Variants in TMEM63C observed in about 807,000 individuals in gnomAD.
TMEM63C encodes transmembrane protein 63C, also known as osmosensitive cation channel TMEM63C.
A neutral mutation model predicts 99.2 loss-of-function variants in TMEM63C; 32 were observed. That is an observed-to-expected ratio of 0.32 (90% CI 0.24 to 0.43). TMEM63C has a LOEUF of 0.43. Among genes scored for constraint, TMEM63C ranks in the 20% least tolerant of loss-of-function variants. The pLI is 1.00. For missense variants in TMEM63C, 826 were observed against 1,053.0 expected, an observed-to-expected ratio of 0.78 and a Z score of 2.98; for synonymous variants, 376 against 397.9, an observed-to-expected ratio of 0.94 and a Z score of 0.66.
chr14:77,251,910 G>A lies in TMEM63C; in HGVS notation c.2148+12G>A. ...TTGCCGACTACGAGGTGAGTTGCCA[G>A]CCTGCCCCTCCTCCTGGTTCTCTTG... On this transcript the variant is annotated intron_variant, in intron 22 of 23. Transcript: ENST00000298351. The A allele has an allele frequency of 6.3e-7, 1 of 1,597,704 alleles. No individual in the cohort carries two copies. The highest frequency in any genetic ancestry group is 8.6e-7 in the Non-Finnish European group (1 of 1,165,068).
chr14:77,183,067 A>G (rs1887940828), intron 1 of TMEM63C, among the ~76,000 whole-genome samples: 1 of 152,142 alleles, frequency 6.6e-6, no homozygotes, highest in Admixed American at 6.5e-5. Context: ...TCCCCTTAGA[A>G]GTGAATTCAC....
intron 13 of TMEM63C, among the ~76,000 whole-genome samples, chr14:77,241,287 G>A (rs929955119): frequency 3.9e-5 from 6 of 152,096 alleles, no homozygotes; most frequent in Non-Finnish European, 5.9e-5. Flanking sequence ...ATAAGAGAGC[G>A]TCAGGATAGA....
chr14:77,255,866 G>C (rs182001091), intron 23 of TMEM63C, among the ~76,000 whole-genome samples: 48 of 152,290 alleles, frequency 3.2e-4, no homozygotes, highest in African/African-American at 1.0e-3. Flanking sequence ...CTTCAACCAG[G>C]GCTGTTTGGT....
chr14:77,233,551 G>T (rs1325625750), intron 8 of TMEM63C, 51 bp downstream of exon 8: 1 of 1,590,024 alleles, frequency 6.3e-7, no homozygotes, highest in Non-Finnish European at 8.6e-7. Context: ...GTGTTGGTGT[G>T]GAGAGGAGGT....
In TMEM63C at chr14:77,248,637, C is replaced by A. The variant is rs534855810; in HGVS notation, c.1764+128C>A. 155 of 1,491,270 alleles carry A rather than the reference C, an allele frequency of 1.0e-4. 2 individuals carry two copies. In the South Asian group the frequency reaches 1.6e-3, roughly 15 times the overall value. 92.4% of individuals were successfully genotyped at this position (1,491,270 alleles called of 1,614,324 possible). On this transcript the variant is annotated intron_variant, in intron 19 of 23. Coordinates refer to ENST00000298351, the MANE Select transcript of TMEM63C (RefSeq NM_020431.4). ...GGTGTGGATGGGTGTTGGTGGGGCA[C>A]CTTGGTCTACAGGGTTGGAAAGGAG... is the stretch of plus-strand genomic sequence containing the variant.
At chr14:77,199,179 T>G (rs1888256991) in intron 1 of TMEM63C, among the ~76,000 whole-genome samples, 1 of 152,166 alleles carries the variant, frequency 6.6e-6, no homozygotes, top group South Asian at 2.1e-4. Flanking sequence ...AGGCAACATT[T>G]GAGACACACA....
At chr14:77,240,156 A>G (rs945553122) in intron 12 of TMEM63C, among the ~76,000 whole-genome samples, 2 of 152,232 alleles carry the variant, frequency 1.3e-5, no homozygotes, top group African/African-American at 4.8e-5. Flanking sequence ...AACTTCTGCC[A>G]GCCCAGAGAT....
chr14:77,219,106 G>T (rs938615356), intron 3 of TMEM63C, 143 bp downstream of exon 3: 9 of 946,080 alleles, frequency 9.5e-6, no homozygotes, highest in Non-Finnish European at 1.2e-5. Context: ...TCCTGCCTAG[G>T]GTGGCCCCGG....
intron 18 of TMEM63C, 76 bp from the exon 19 acceptor site, chr14:77,248,269 CCT>C (rs1889297457): frequency 1.5e-6 from 2 of 1,318,714 alleles, no homozygotes; most frequent in Admixed American, 4.1e-5. Context: ...CTGCTGCTCT[CCT>C]CTCTCTCCTC....
rs769084272 is a variant in TMEM63C at position 77,249,409 on chromosome 14, G to T, written c.1989G>T (p.Ala663=). The change falls in exon 21 of 24, where the codon GCG becomes GCT. Residue 663 remains alanine (A), a synonymous_variant. Transcript: ENST00000298351. ...HMAAVSQAIF[A]PLLGLFWMLF... ...CTGCCGTCTCCCAGGCCATCTTTGC[G>T]CCACTCTTGGGTCTGTTCTGGATGC... The T allele has an allele frequency of 1.9e-6, 3 of 1,614,012 alleles. No homozygotes were observed. The highest frequency in any genetic ancestry group is 2.2e-5 in the East Asian group (1 of 44,888).
In TMEM63C at chr14:77,189,580, C is replaced by T. The variant is rs920727930; in HGVS notation, c.-77+7686C>T. On this transcript the variant is annotated intron_variant, in intron 1 of 23. Coordinates refer to ENST00000298351, the MANE Select transcript of TMEM63C (RefSeq NM_020431.4). ...GGAAGGACTTCTAACTTGTCAGTAA[C>T]ACTTCATTTAACAAAGAACAGCTGA... Among the ~76,000 whole-genome samples, 4 of 152,346 alleles carry T rather than the reference C, an allele frequency of 2.6e-5. No individual in the cohort carries two copies. In the East Asian group the frequency reaches 5.8e-4, roughly 22 times the overall value.
chr14:77,236,652 C>T lies in TMEM63C; in HGVS notation c.571C>T (p.Leu191=). 2 of 1,612,704 alleles carry T rather than the reference C, an allele frequency of 1.2e-6. No individual in the cohort carries two copies. The highest frequency in any genetic ancestry group is 1.7e-6 in the Non-Finnish European group (2 of 1,179,286). ...CAAGCTCCTGTGGCTGCATAGCCTG[C>T]TGTCCTTCTTCTACTTCATCACCAA... is the stretch of plus-strand genomic sequence containing the variant. ...ESKLLWLHSL[L]SFFYFITNFM... Residue 191 remains leucine, a synonymous_variant, in exon 9 of 24, where the codon CTG becomes TTG. Transcript: ENST00000298351.
chr14:77,206,602 G>A (rs1888406862), intron 1 of TMEM63C, among the ~76,000 whole-genome samples: 1 of 152,194 alleles, frequency 6.6e-6, no homozygotes, highest in African/African-American at 2.4e-5. Flanking sequence ...AGGAACCACT[G>A]GGCTGCATGT....
At chr14:77,225,287 T>G in intron 5 of TMEM63C, 137 bp from the exon 6 acceptor site, 1 of 597,768 alleles carries the variant, frequency 1.7e-6, no homozygotes, top group Non-Finnish European at 2.7e-6. Context: ...AGCTGAGCCT[T>G]CAGACTCTTT....
chr14:77,219,479 T>C lies in TMEM63C; in HGVS notation c.151-19T>C, dbSNP rs114096600. 4.7e-3 allele frequency: 7,508 copies of C among 1,613,650 alleles called. 316 individuals are homozygous for C. The African/African-American group carries it at 0.089, about 19-fold the overall frequency. On this transcript the variant is annotated intron_variant, in intron 3 of 23. Coordinates refer to ENST00000298351, the MANE Select transcript of TMEM63C (RefSeq NM_020431.4). ...ATCCATGAAGTCTCCCACCCCACAT[T>C]GCTTTTCCTGGCCTGTAGCTCGTCC...
intron 2 of TMEM63C, among the ~76,000 whole-genome samples, chr14:77,215,794 C>T (rs1257671840): frequency 6.6e-6 from 1 of 152,128 alleles, no homozygotes; most frequent in Non-Finnish European, 1.5e-5. Context: ...CCAAGCCTCC[C>T]GCAGTCTCAC....
At chr14:77,211,929 A>T (rs73307254) in intron 1 of TMEM63C, among the ~76,000 whole-genome samples, 1,991 of 152,236 alleles carry the variant, frequency 0.013, 37 homozygotes, top group African/African-American at 0.045. Flanking sequence ...CAAGGCTGAC[A>T]TTTATTTTTT....
chr14:77,232,476 C>T (rs992460839), intron 7 of TMEM63C, among the ~76,000 whole-genome samples: 6 of 151,980 alleles, frequency 3.9e-5, no homozygotes, highest in Admixed American at 6.6e-5. Context: ...TTAGTAGAGA[C>T]GGGTTTTCAC....
intron 2 of TMEM63C, among the ~76,000 whole-genome samples, chr14:77,214,709 T>C (rs181437817): frequency 2.0e-4 from 30 of 152,048 alleles, no homozygotes; most frequent in Middle Eastern, 3.4e-3. Context: ...TTCTTGCTGA[T>C]GTCAATGTCC....
Sources: allele counts gnomAD v4.1 joint callset (sites outside exome capture counted in the v4.1 genomes callset), GRCh38; gene constraint gnomAD v4.1.1; transcripts MANE v1.5; gene names NCBI Gene and HGNC (gene_info 2026-07-23, HGNC 2026-07-21).